DNAJC5: variants seen among roughly 807,000 people sequenced by gnomAD.
The protein encoded by DNAJC5 is dnaJ homolog subfamily C member 5.
DNAJC5 carries 1 observed loss-of-function variant against 23.2 expected under a neutral mutation model. The observed-to-expected ratio is 0.04, with a 90% CI of 0.02 to 0.20. The LOEUF (loss-of-function observed/expected upper bound fraction) is 0.20. DNAJC5 is among the 10% of genes least tolerant of loss of function. The probability of loss-of-function intolerance (pLI) is 1.00; values close to 1 mark genes in which losing one functional copy is unlikely to be tolerated. For synonymous variants in DNAJC5, 136 were observed against 120.0 expected (o/e 1.13, Z -0.87); for missense variants, 180 against 267.0 (o/e 0.67, Z 2.27).
chr20:63,933,020 A>C lies in DNAJC5; in HGVS notation c.*1452A>C, dbSNP rs968740237. ...CTGCCCGCACTCCGTAGCTCATGGGATGTGCTGGGCCTGCCTTTGGCGCCA... is the reference window on the plus strand; with the variant it reads ...CTGCCCGCACTCCGTAGCTCATGGGCTGTGCTGGGCCTGCCTTTGGCGCCA... On this transcript the variant is annotated 3_prime_UTR_variant, in exon 5 of 5. Transcript: ENST00000360864. The C allele has an allele frequency of 1.9e-4, 29 of 152,282 alleles. No individual in the cohort carries two copies. The highest frequency in any genetic ancestry group is 6.8e-4 in the African/African-American group (28 of 41,408). The allele number at this position is 152,282 out of a possible 1,614,324, so 9.4% of individuals were successfully genotyped here. A position where few individuals can be genotyped will look rare whatever the true frequency, so the allele number is the denominator to read the frequency against.
At chr20:63,915,738 C>T (rs1425852506) in intron 1 of DNAJC5, among the ~76,000 whole-genome samples, 1 of 152,214 alleles carries the variant, frequency 6.6e-6, no homozygotes, top group Non-Finnish European at 1.5e-5. Flanking sequence ...CAGGCTGAGC[C>T]TGCCCATTCT....
intron 1 of DNAJC5, among the ~76,000 whole-genome samples, chr20:63,913,459 C>T (rs957375108): frequency 1.9e-4 from 29 of 151,542 alleles, no homozygotes; most frequent in African/African-American, 3.9e-4. Context: ...TGCAGTGGTG[C>T]GGTCTCAGCT....
rs1243619719 is a variant in DNAJC5, at chr20:63,934,698, A to G, written c.*3130A>G. Reference sequence around the variant, plus strand: ...AACTTTCCTAGTTCTCTATGTTGTTAGTGCAGCCAGCACCCAGTGGGGACC... The same window carrying G: ...AACTTTCCTAGTTCTCTATGTTGTTGGTGCAGCCAGCACCCAGTGGGGACC... On this transcript the variant is annotated 3_prime_UTR_variant, in exon 5 of 5. Coordinates refer to ENST00000360864, the MANE Select transcript of DNAJC5 (RefSeq NM_025219.3). 2 of 152,228 alleles carry G rather than the reference A, an allele frequency of 1.3e-5. No homozygotes were observed. The highest frequency in any genetic ancestry group is 2.4e-5 in the African/African-American group (1 of 41,456). 9.4% of individuals were successfully genotyped at this position (152,228 alleles called of 1,614,324 possible). A position where few individuals can be genotyped will look rare whatever the true frequency, so the allele number is the denominator to read the frequency against.
At chr20:63,915,263 A>AAAAC (rs2053508668) in intron 1 of DNAJC5, among the ~76,000 whole-genome samples, 1 of 151,944 alleles carries the variant, frequency 6.6e-6, no homozygotes, top group South Asian at 2.1e-4. Flanking sequence ...AAAAAAGGGG[A>AAAAC]AAAACAGATT....
At chr20:63,899,829 T>G (rs6011212) in intron 1 of DNAJC5, among the ~76,000 whole-genome samples, 1 of 150,476 alleles carries the variant, frequency 6.6e-6, no homozygotes, top group Non-Finnish European at 1.5e-5. Flanking sequence ...GATCCGCCCA[T>G]CTTGGCCTCC....
chr20:63,898,343 A>T (rs2053387740), intron 1 of DNAJC5, among the ~76,000 whole-genome samples: 1 of 152,208 alleles, frequency 6.6e-6, no homozygotes, highest in African/African-American at 2.4e-5. Context: ...GGTGAATGTG[A>T]TACCCAGTTA....
intron 1 of DNAJC5, among the ~76,000 whole-genome samples, chr20:63,911,153 G>A (rs1296401315): frequency 1.8e-4 from 28 of 152,168 alleles, no homozygotes. Flanking sequence ...TGCTCTATTA[G>A]GACCTGGGGC....
intron 1 of DNAJC5, among the ~76,000 whole-genome samples, chr20:63,911,033 C>G (rs1285656470): frequency 6.6e-6 from 1 of 152,120 alleles, no homozygotes; most frequent in East Asian, 1.9e-4. Context: ...ATCTGCTTTT[C>G]TTTTTGAATT....
rs1012088690 is a variant in DNAJC5, at chr20:63,923,147, G to GA, written c.-11-5178dup. 2.6e-4 allele frequency among the ~76,000 whole-genome samples: 35 copies of GA among 135,876 alleles called. 1 individual carries two copies. The highest frequency in any genetic ancestry group is 2.9e-4 in the Admixed American group (4 of 13,698). The allele number at this position is 135,876 out of a possible 152,430, so 89.1% of individuals were successfully genotyped here. A position where few individuals can be genotyped will look rare whatever the true frequency, so the allele number is the denominator to read the frequency against. ...CAGAGTGAGACTCTGTCTCAAAAAA[G>GA]AAAAAAAAAAGAATAAGTCACATTT... On this transcript the variant is annotated intron_variant, in intron 1 of 4. Transcript: ENST00000360864.
chr20:63,905,102 C>CTT (rs537351736), intron 1 of DNAJC5, among the ~76,000 whole-genome samples: 23 of 136,556 alleles, frequency 1.7e-4, no homozygotes, highest in African/African-American at 2.4e-4. Flanking sequence ...CCGTGCCTGG[C>CTT]TTTTTTTTTT....
At chr20:63,925,375 T>C (rs2053603931) in intron 1 of DNAJC5, among the ~76,000 whole-genome samples, 1 of 152,090 alleles carries the variant, frequency 6.6e-6, no homozygotes, top group African/African-American at 2.4e-5. Context: ...CCCAGTGACT[T>C]GGGAGGCTGA....
intron 1 of DNAJC5, among the ~76,000 whole-genome samples, chr20:63,896,159 A>G (rs1396805378): frequency 1.3e-5 from 2 of 152,232 alleles, no homozygotes; most frequent in Non-Finnish European, 2.9e-5. Context: ...TCTAATGACA[A>G]AAACAGTTAC....
At chr20:63,907,381 T>A (rs1484937595) in intron 1 of DNAJC5, among the ~76,000 whole-genome samples, 1 of 152,178 alleles carries the variant, frequency 6.6e-6, no homozygotes, top group Non-Finnish European at 1.5e-5. Context: ...TAGCTAACAT[T>A]AACTGTGTGC....
At chr20:63,911,745 C>T (rs2053484038) in intron 1 of DNAJC5, among the ~76,000 whole-genome samples, 1 of 151,790 alleles carries the variant, frequency 6.6e-6, no homozygotes, top group African/African-American at 2.4e-5. Context: ...GCGATCTCGG[C>T]TCCCTGCAGC....
chr20:63,905,136 A>G (rs1455670152), intron 1 of DNAJC5, among the ~76,000 whole-genome samples: 2 of 135,846 alleles, frequency 1.5e-5, no homozygotes, highest in Non-Finnish European at 3.1e-5. Context: ...TGTGTATGTG[A>G]TGGGGTCTCG....
chr20:63,902,198 G>A (rs1487356357), intron 1 of DNAJC5, among the ~76,000 whole-genome samples: 2 of 151,730 alleles, frequency 1.3e-5, no homozygotes, highest in Non-Finnish European at 2.9e-5. Flanking sequence ...GGGACTACAG[G>A]CGCCCGCCAC....
chr20:63,910,264 G>A (rs2146280110), intron 1 of DNAJC5, among the ~76,000 whole-genome samples: 1 of 152,292 alleles, frequency 6.6e-6, no homozygotes, highest in South Asian at 2.1e-4. Flanking sequence ...ATGTGCGCTG[G>A]CCGGGCGCGG....
chr20:63,916,592 A>T (rs2053516929), intron 1 of DNAJC5, among the ~76,000 whole-genome samples: 1 of 152,226 alleles, frequency 6.6e-6, no homozygotes, highest in Admixed American at 6.5e-5. Flanking sequence ...CTTGATAAAC[A>T]TCTTAAACAA....
Position 63,928,198 on chromosome 20 carries a change from C to T in DNAJC5, c.-11-137C>T. The stretch of plus-strand genomic sequence containing the variant: ...CACTTCTCCATGCCATGGCGTCTGT[C>T]TGTGCACGTGGCAAACTCCACAAGG... On this transcript the variant is annotated intron_variant, in intron 1 of 4. Transcript: ENST00000360864. This position sits in a 1 kb window ranked among gnomAD's most constrained non-coding sequence, Gnocchi z 4.6. 1 of 714,052 alleles carries T rather than the reference C, an allele frequency of 1.4e-6. No homozygotes were observed. The highest frequency in any genetic ancestry group is 2.5e-6 in the Non-Finnish European group (1 of 403,714). The allele number at this position is 714,052 out of a possible 1,614,324, so 44.2% of individuals were successfully genotyped here. A position where few individuals can be genotyped will look rare whatever the true frequency, so the allele number is the denominator to read the frequency against.
Sources: allele counts gnomAD v4.1 joint callset (sites outside exome capture counted in the v4.1 genomes callset), GRCh38; gene constraint gnomAD v4.1.1; non-coding constraint Gnocchi (gnomAD v3.1); transcripts MANE v1.5; gene names NCBI Gene and HGNC (gene_info 2026-07-23, HGNC 2026-07-21).